Variants in CRACD observed in about 807,000 individuals in gnomAD.
CRACD encodes capping protein-inhibiting regulator of actin dynamics.
A neutral mutation model predicts 106.8 loss-of-function variants in CRACD; 56 were observed. The observed-to-expected ratio is 0.52, with a 90% CI of 0.42 to 0.66. CRACD has a LOEUF of 0.66. Among genes scored for constraint, CRACD ranks in the 30% least tolerant of loss-of-function variants. The pLI, the probability that CRACD is intolerant of heterozygous loss-of-function variation, is 0.00. For missense variants in CRACD, 1,730 were observed against 1,623.2 expected (o/e 1.07, Z -1.13); for synonymous variants, 754 against 670.8 (o/e 1.12, Z -1.92).
intron 4 of CRACD, among the ~76,000 whole-genome samples, chr4:56,302,599 C>G (rs1744431406): frequency 1.3e-5 from 2 of 152,200 alleles, no homozygotes; most frequent in Admixed American, 1.3e-4. Flanking sequence ...AACACCCGCT[C>G]TTAGCCACTT....
At chr4:56,079,502 G>C (rs1732953957) in intron 1 of CRACD, among the ~76,000 whole-genome samples, 1 of 150,830 alleles carries the variant, frequency 6.6e-6, no homozygotes, top group Non-Finnish European at 1.5e-5. Flanking sequence ...CTGAAGTGCA[G>C]TGGCATGATC....
intron 2 of CRACD, among the ~76,000 whole-genome samples, chr4:56,225,440 C>G (rs972906158): frequency 1.3e-5 from 2 of 152,132 alleles, no homozygotes; most frequent in Non-Finnish European, 2.9e-5. Context: ...GAATATTCCT[C>G]TTCTATGTCT....
rs371982296 is a variant in CRACD at position 56,316,483 on chromosome 4, G to A, written c.2981G>A (p.Gly994Glu). ...YLVELLSRRA[G>E]RPDPEPSEPS... The stretch of plus-strand genomic sequence containing the variant: ...GTAGAGCTGCTGTCTCGCCGAGCGG[G>A]GAGGCCGGACCCAGAGCCAAGTGAG... The change falls in exon 8 of 11, where the codon GGG becomes GAG. Residue 994 changes from glycine (G) to glutamate (E), a missense_variant. Coordinates refer to ENST00000682029, the MANE Select transcript of CRACD (RefSeq NM_001393381.1). 1 of 1,613,724 alleles carries A rather than the reference G, an allele frequency of 6.2e-7. No individual in the cohort carries two copies. Among genetic ancestry groups the A allele is most frequent in the African/African-American group, 1.3e-5 (1 of 74,942 alleles).
chr4:56,144,811 G>A (rs776844686), intron 1 of CRACD, among the ~76,000 whole-genome samples: 1 of 151,954 alleles, frequency 6.6e-6, no homozygotes, highest in Non-Finnish European at 1.5e-5. Flanking sequence ...TGGCCACCAT[G>A]CCTGGCTAAT....
chr4:56,181,347 C>T (rs1736812400), intron 2 of CRACD, among the ~76,000 whole-genome samples: 1 of 152,102 alleles, frequency 6.6e-6, no homozygotes, highest in Non-Finnish European at 1.5e-5. Flanking sequence ...CAGCCACAGC[C>T]AGGAGCCAGT....
chr4:56,180,229 C>A (rs868373444), intron 2 of CRACD, among the ~76,000 whole-genome samples: 10 of 151,984 alleles, frequency 6.6e-5, no homozygotes, highest in Non-Finnish European at 1.5e-4. Context: ...CGTTGGCTCA[C>A]GTCTGTAATC....
At chr4:56,245,040 T>G (rs917227653) in intron 2 of CRACD, among the ~76,000 whole-genome samples, 4 of 152,218 alleles carry the variant, frequency 2.6e-5, no homozygotes, top group African/African-American at 7.2e-5. Flanking sequence ...TTTCCAAATA[T>G]TCTGTGTTTT....
At chr4:56,176,488 G>A (rs1736589507) in intron 1 of CRACD, among the ~76,000 whole-genome samples, 1 of 149,842 alleles carries the variant, frequency 6.7e-6, no homozygotes, top group African/African-American at 2.5e-5. Flanking sequence ...GAGTGCAGTG[G>A]TGCAATCTCT....
intron 2 of CRACD, among the ~76,000 whole-genome samples, chr4:56,188,562 A>C (rs1343492043): frequency 6.6e-6 from 1 of 151,338 alleles, no homozygotes; most frequent in Non-Finnish European, 1.5e-5. Flanking sequence ...CCGTTCCTGG[A>C]AATGAGTGTT....
At chr4:56,287,313 G>A (rs1743429469) in intron 3 of CRACD, among the ~76,000 whole-genome samples, 1 of 150,522 alleles carries the variant, frequency 6.6e-6, no homozygotes, top group African/African-American at 2.5e-5. Flanking sequence ...TTGATACAGA[G>A]TCTCTGTCAC....
intron 2 of CRACD, among the ~76,000 whole-genome samples, chr4:56,186,968 C>G (rs1737117639): frequency 6.6e-6 from 1 of 151,786 alleles, no homozygotes; most frequent in Non-Finnish European, 1.5e-5. Context: ...CACAGGGAGA[C>G]TGAAGTGGGA....
intron 3 of CRACD, among the ~76,000 whole-genome samples, chr4:56,281,304 T>C (rs1743024979): frequency 6.6e-6 from 1 of 152,094 alleles, no homozygotes; most frequent in Non-Finnish European, 1.5e-5. Flanking sequence ...ATCTAATGCC[T>C]GATAATCTGA....
chr4:56,324,993 ATACAAGTATGGTG>A (rs1746335909), intron 10 of CRACD, among the ~76,000 whole-genome samples: 7 of 152,208 alleles, frequency 4.6e-5, no homozygotes, highest in Admixed American at 4.6e-4. Flanking sequence ...CCCAAAATAT[ATACAAGTATGGTG>A]TATATATATA....
intron 2 of CRACD, among the ~76,000 whole-genome samples, chr4:56,262,881 A>T (rs953494174): frequency 2.6e-5 from 4 of 152,222 alleles, no homozygotes; most frequent in African/African-American, 7.2e-5. Context: ...CACAGACCCC[A>T]TGAGGGTCTG....
chr4:56,275,880 G>A (rs1241873442), intron 3 of CRACD, among the ~76,000 whole-genome samples: 1 of 152,184 alleles, frequency 6.6e-6, no homozygotes, highest in African/African-American at 2.4e-5. Context: ...GGCTTGGCAT[G>A]TGCCCACAAA....
intron 2 of CRACD, among the ~76,000 whole-genome samples, chr4:56,216,656 C>T (rs1410588830): frequency 1.3e-5 from 2 of 152,108 alleles, no homozygotes; most frequent in Non-Finnish European, 2.9e-5. Flanking sequence ...TTAAAATCGG[C>T]CTTTGCAAAA....
chr4:56,097,049 G>C (rs1279598438), intron 1 of CRACD, among the ~76,000 whole-genome samples: 1 of 152,310 alleles, frequency 6.6e-6, no homozygotes, highest in Non-Finnish European at 1.5e-5. Flanking sequence ...CCCTTGAATG[G>C]ATAATAATGG....
intron 1 of CRACD, among the ~76,000 whole-genome samples, chr4:56,140,783 A>G (rs912351878): frequency 6.6e-6 from 1 of 152,172 alleles, no homozygotes; most frequent in Non-Finnish European, 1.5e-5. Flanking sequence ...GTTAAAGTCC[A>G]TAATCTATTT....
intron 2 of CRACD, among the ~76,000 whole-genome samples, chr4:56,255,137 A>G (rs1388574004): frequency 2.0e-5 from 3 of 147,798 alleles, no homozygotes; most frequent in East Asian, 3.9e-4. Flanking sequence ...AAAAAAAACT[A>G]AAAATTGGCC....
Sources: allele counts gnomAD v4.1 joint callset (sites outside exome capture counted in the v4.1 genomes callset), GRCh38; gene constraint gnomAD v4.1.1; transcripts MANE v1.5; gene names NCBI Gene and HGNC (gene_info 2026-07-23, HGNC 2026-07-21).